The following EPM2A variants were observed in gnomAD, a reference collection of about 807,000 sequenced individuals.
EPM2A encodes the protein EPM2A glucan phosphatase, laforin, also known as laforin.
Under a neutral mutation model 26.5 loss-of-function variants are expected in EPM2A, and 21 were observed. The ratio of observed to expected loss-of-function variants is 0.79; its 90% CI spans 0.56 to 1.14. EPM2A has a LOEUF of 1.14. EPM2A is among the 50% of genes most tolerant of loss of function. The pLI, the probability that EPM2A is intolerant of heterozygous loss-of-function variation, is 0.00. For synonymous variants in EPM2A, 217 were observed against 177.6 expected (o/e 1.22, Z -1.76); for missense variants, 458 against 440.8 (o/e 1.04, Z -0.35).
intron 4 of EPM2A, among the ~76,000 whole-genome samples, chr6:145,429,995 G>A (rs907282555): frequency 2.6e-5 from 4 of 152,106 alleles, no homozygotes; most frequent in Non-Finnish European, 5.9e-5. Context: ...TCAGGAGTTC[G>A]AGACCAGCCT....
chr6:145,633,250 A>C (rs1227512453), intron 3 of EPM2A, among the ~76,000 whole-genome samples: 1 of 152,196 alleles, frequency 6.6e-6, no homozygotes, highest in Non-Finnish European at 1.5e-5. Flanking sequence ...CAGGATAACA[A>C]TGCTGTCAAA....
intron 4 of EPM2A, among the ~76,000 whole-genome samples, chr6:145,399,073 T>C (rs1209880289): frequency 6.6e-6 from 1 of 152,154 alleles, no homozygotes; most frequent in Non-Finnish European, 1.5e-5. Context: ...GGTAGACAGA[T>C]AACACATTCT....
chr6:145,504,760 A>T (rs1582806525), intron 2 of EPM2A, among the ~76,000 whole-genome samples: 7 of 23,340 alleles, frequency 3.0e-4, no homozygotes, highest in East Asian at 1.1e-3. Context: ...TACCCAAATG[A>T]CTATAAATCA....
At chr6:145,484,092 C>A (rs1186555910) in intron 4 of EPM2A, among the ~76,000 whole-genome samples, 2 of 152,072 alleles carry the variant, frequency 1.3e-5, no homozygotes, top group Admixed American at 6.6e-5. Flanking sequence ...CAGAAACCAC[C>A]AGAGTATCAT....
intron 2 of EPM2A, among the ~76,000 whole-genome samples, chr6:145,607,350 T>A (rs975176504): frequency 2.6e-5 from 4 of 152,142 alleles, no homozygotes; most frequent in Non-Finnish European, 5.9e-5. Flanking sequence ...AATCAAAGAA[T>A]AGAAACCAAG....
At chr6:145,703,003 G>A (rs979786604) in intron 1 of EPM2A, among the ~76,000 whole-genome samples, 2 of 151,816 alleles carry the variant, frequency 1.3e-5, no homozygotes, top group East Asian at 3.8e-4. Flanking sequence ...CTATCTGTGG[G>A]ACAAAATATT....
intron 2 of EPM2A, among the ~76,000 whole-genome samples, chr6:145,570,436 T>A (rs933107240): frequency 6.6e-6 from 1 of 152,226 alleles, no homozygotes; most frequent in African/African-American, 2.4e-5. Context: ...TAAATGCTGA[T>A]GTGAAGTCAA....
chr6:145,656,144 G>A (rs753756524), intron 2 of EPM2A, among the ~76,000 whole-genome samples: 11 of 152,200 alleles, frequency 7.2e-5, no homozygotes, highest in Non-Finnish European at 1.2e-4. Flanking sequence ...GAAGCCTCAA[G>A]GGGGCTGACT....
chr6:145,434,265 T>C (rs1193421486), intron 4 of EPM2A, among the ~76,000 whole-genome samples: 4 of 149,216 alleles, frequency 2.7e-5, no homozygotes, highest in Non-Finnish European at 5.9e-5. Flanking sequence ...TCTCTCTCTC[T>C]CTTTTTTTTT....
chr6:145,418,840 T>C (rs1247048971), intron 4 of EPM2A, among the ~76,000 whole-genome samples: 3 of 152,218 alleles, frequency 2.0e-5, no homozygotes, highest in Non-Finnish European at 4.4e-5. Context: ...CTCTGAAACC[T>C]GGCTCTTCCA....
intron 2 of EPM2A, among the ~76,000 whole-genome samples, chr6:145,543,386 G>C (rs1445556317): frequency 3.3e-5 from 5 of 151,968 alleles, no homozygotes; most frequent in Non-Finnish European, 7.4e-5. Flanking sequence ...CCATAGAATG[G>C]AGAACATAGC....
chr6:145,448,908 A>G (rs1779157861), intron 4 of EPM2A, among the ~76,000 whole-genome samples: 1 of 152,246 alleles, frequency 6.6e-6, no homozygotes, highest in South Asian at 2.1e-4. Context: ...GATGCTGTCT[A>G]CAAATAAGCA....
intron 2 of EPM2A, among the ~76,000 whole-genome samples, chr6:145,573,917 C>T (rs1780994508): frequency 6.6e-6 from 1 of 152,176 alleles, no homozygotes; most frequent in Non-Finnish European, 1.5e-5. Context: ...TTTGGATCCC[C>T]TGGAATCAAT....
intron 4 of EPM2A, among the ~76,000 whole-genome samples, chr6:145,394,846 A>C (rs1405887899): frequency 6.6e-6 from 1 of 152,188 alleles, no homozygotes; most frequent in Non-Finnish European, 1.5e-5. Context: ...GGGAATATAC[A>C]GAAAACTCCA....
At chr6:145,540,621 G>A (rs891412422) in intron 2 of EPM2A, among the ~76,000 whole-genome samples, 7 of 152,136 alleles carry the variant, frequency 4.6e-5, no homozygotes, top group African/African-American at 1.7e-4. Context: ...TAGACTTCTG[G>A]TCAAGTTTGA....
chr6:145,686,598 T>C (rs559697823), intron 1 of EPM2A, among the ~76,000 whole-genome samples: 27 of 152,266 alleles, frequency 1.8e-4, no homozygotes, highest in East Asian at 9.7e-4. Context: ...ATGAATCACT[T>C]TGCAGCCTGA....
At chr6:145,507,954 C>A (rs146102668) in intron 2 of EPM2A, among the ~76,000 whole-genome samples, 1 of 152,184 alleles carries the variant, frequency 6.6e-6, no homozygotes, top group Non-Finnish European at 1.5e-5. Flanking sequence ...CCCACTAGCT[C>A]CAAGGAACAG....
chr6:145,503,312 T>G (rs1031425181), intron 2 of EPM2A, among the ~76,000 whole-genome samples: 19 of 149,994 alleles, frequency 1.3e-4, no homozygotes, highest in African/African-American at 4.4e-4. Context: ...TGTCCCTGTT[T>G]GCAGACGACA....
rs1385525504 is a variant in EPM2A at position 145,628,154 on chromosome 6, T to C, written c.719-461A>G. ...TGTAAAACACAGAAGCGGCCCATAA[T>C]AGTTAAAGGAATCAATCTGTTCATT... On this transcript the variant is annotated intron_variant, in intron 3 of 3. Transcript: ENST00000367519. 3 of 201,134 alleles carry C rather than the reference T, an allele frequency of 1.5e-5. No individual in the cohort carries two copies. In the East Asian group the frequency reaches 3.7e-4, roughly 25 times the overall value. 12.5% of individuals were successfully genotyped at this position (201,134 alleles called of 1,614,324 possible). A position where few individuals can be genotyped will look rare whatever the true frequency, so the allele number is the denominator to read the frequency against.
Sources: allele counts gnomAD v4.1 joint callset (sites outside exome capture counted in the v4.1 genomes callset), GRCh38; gene constraint gnomAD v4.1.1; transcripts MANE v1.5; gene names NCBI Gene and HGNC (gene_info 2026-07-23, HGNC 2026-07-21).